MYO9A: variants seen among roughly 807,000 people sequenced by gnomAD.
MYO9A encodes unconventional myosin-IXa.
MYO9A carries 103 observed loss-of-function variants against 293.3 expected under a neutral mutation model. That is an observed-to-expected ratio of 0.35 (90% CI 0.30 to 0.41). The LOEUF (loss-of-function observed/expected upper bound fraction) is 0.41, where lower values mean the gene tolerates loss of function less well. Ranked by LOEUF, MYO9A falls within the 10% of genes least tolerant of loss-of-function variation. The pLI, the probability that MYO9A is intolerant of heterozygous loss-of-function variation, is 1.00. For synonymous variants in MYO9A, 1,001 were observed against 1,035.7 expected, an observed-to-expected ratio of 0.97 and a Z score of 0.64; for missense variants, 2,685 against 3,033.0, an observed-to-expected ratio of 0.89 and a Z score of 2.69.
At chr15:71,852,745 T>G (rs1385458017) in intron 35 of MYO9A, among the ~76,000 whole-genome samples, 2 of 152,204 alleles carry the variant, frequency 1.3e-5, no homozygotes, top group Non-Finnish European at 2.9e-5. Flanking sequence ...CTAACTGTGG[T>G]GAAAGAATAC....
At chr15:71,895,353 C>A (rs1181455725) in intron 25 of MYO9A, among the ~76,000 whole-genome samples, 1 of 152,202 alleles carries the variant, frequency 6.6e-6, no homozygotes, top group Non-Finnish European at 1.5e-5. Flanking sequence ...ACCATGAATT[C>A]TTTTTGTCCT....
At chr15:71,980,021 C>A (rs1001273615) in intron 11 of MYO9A, among the ~76,000 whole-genome samples, 1 of 150,996 alleles carries the variant, frequency 6.6e-6, no homozygotes, top group South Asian at 2.1e-4. Flanking sequence ...CTACTTTTTT[C>A]TTTTTTTTTA....
chr15:72,116,599 A>T (rs1013538588), intron 1 of MYO9A, among the ~76,000 whole-genome samples: 2 of 152,144 alleles, frequency 1.3e-5, no homozygotes, highest in African/African-American at 4.8e-5. Context: ...TACAAATCTT[A>T]TTTTTCTAGC....
intron 19 of MYO9A, among the ~76,000 whole-genome samples, chr15:71,905,224 A>T (rs2057595681): frequency 6.6e-6 from 1 of 152,218 alleles, no homozygotes; most frequent in Non-Finnish European, 1.5e-5. Context: ...ATAGCCTGGA[A>T]ATAGTAAATA....
intron 22 of MYO9A, 131 bp from the exon 23 acceptor site, chr15:71,901,471 A>G (rs2057481979): frequency 1.1e-6 from 1 of 895,312 alleles, no homozygotes; most frequent in East Asian, 2.7e-5. Flanking sequence ...TGAAGTACTG[A>G]TAAATATTCC....
intron 32 of MYO9A, among the ~76,000 whole-genome samples, chr15:71,863,184 TCA>T (rs1017617379): frequency 1.3e-5 from 2 of 152,014 alleles, no homozygotes; most frequent in African/African-American, 4.8e-5. Flanking sequence ...TCCGCCTGCC[TCA>T]GACTCCCAAA....
chr15:72,008,838 A>G (rs897337505), intron 7 of MYO9A, among the ~76,000 whole-genome samples: 1 of 152,104 alleles, frequency 6.6e-6, no homozygotes, highest in Non-Finnish European at 1.5e-5. Context: ...ACATGCAGTT[A>G]TTTTCTTAGA....
rs1274177747 is a variant in MYO9A at position 71,907,392 on chromosome 15, C to T, written c.2686-2386G>A. On this transcript the variant is annotated intron_variant, in intron 19 of 41. Transcript: ENST00000356056. ...AAGTCTTTGCTATTGTGAATAGTGC[C>T]GCAATAAACATACGTGTGCATGTGT... is the stretch of plus-strand genomic sequence containing the variant. 2.0e-4 allele frequency among the ~76,000 whole-genome samples: 26 copies of T among 130,526 alleles called. No homozygotes were observed. In the South Asian group the frequency reaches 2.5e-3, roughly 12 times the overall value. The allele number at this position is 130,526 out of a possible 152,430, so 85.6% of individuals were successfully genotyped here.
chr15:71,961,960 G>GT lies in MYO9A; in HGVS notation c.1987-1865dup, dbSNP rs2075758083. 4.6e-5 allele frequency among the ~76,000 whole-genome samples: 7 copies of GT among 152,138 alleles called. No individual in the cohort carries two copies. In the South Asian group the frequency reaches 1.2e-3, roughly 27 times the overall value. On this transcript the variant is annotated intron_variant, in intron 13 of 41. Coordinates refer to ENST00000356056, the MANE Select transcript of MYO9A (RefSeq NM_006901.4). ...GCTGGTCTTGAACTCCTGGCCTCAA[G>GT]TAATTCCCCCACCTCAGCCTCCCAA...
intron 39 of MYO9A, among the ~76,000 whole-genome samples, chr15:71,838,763 CAGAG>C (rs1381450819): frequency 2.0e-5 from 3 of 152,230 alleles, no homozygotes; most frequent in Non-Finnish European, 4.4e-5. Flanking sequence ...ATGCTTTTGA[CAGAG>C]AGCCAAGATC....
intron 30 of MYO9A, among the ~76,000 whole-genome samples, chr15:71,879,322 C>T (rs2056800643): frequency 6.6e-6 from 1 of 152,064 alleles, no homozygotes; most frequent in South Asian, 2.1e-4. Flanking sequence ...AACTAACTGC[C>T]CTAATTCCAT....
At chr15:72,022,866 TCAA>T (rs780049850) in intron 4 of MYO9A, among the ~76,000 whole-genome samples, 16 of 151,998 alleles carry the variant, frequency 1.1e-4, no homozygotes, top group South Asian at 4.2e-4. Flanking sequence ...AATCCAGTTT[TCAA>T]CAACAACAAC....
intron 19 of MYO9A, among the ~76,000 whole-genome samples, chr15:71,906,663 T>C (rs543380181): frequency 6.6e-6 from 1 of 151,986 alleles, no homozygotes; most frequent in Non-Finnish European, 1.5e-5. Context: ...TTTTTCATTT[T>C]TTAACCCTTT....
intron 5 of MYO9A, among the ~76,000 whole-genome samples, chr15:72,019,894 C>T (rs923846182): frequency 1.3e-5 from 2 of 152,086 alleles, no homozygotes; most frequent in African/African-American, 2.4e-5. Flanking sequence ...AGATTACAGG[C>T]GTGCCTCACC....
chr15:71,855,103 G>A (rs541203147), intron 34 of MYO9A, among the ~76,000 whole-genome samples: 17 of 152,220 alleles, frequency 1.1e-4, no homozygotes, highest in Admixed American at 2.0e-4. Flanking sequence ...CTTGAATAGC[G>A]TATCTGATAT....
intron 1 of MYO9A, among the ~76,000 whole-genome samples, chr15:72,067,882 TAA>T: frequency 6.6e-6 from 1 of 151,672 alleles, no homozygotes; most frequent in East Asian, 1.9e-4. Context: ...TTTAAGGCTA[TAA>T]AAAAAAATTC....
intron 4 of MYO9A, among the ~76,000 whole-genome samples, chr15:72,021,533 A>T (rs1040345683): frequency 2.0e-5 from 3 of 152,164 alleles, no homozygotes; most frequent in African/African-American, 7.2e-5. Flanking sequence ...TCCCTAAGAA[A>T]TATCATTATT....
At chr15:71,865,137 CTT>C (rs2056280480) in intron 32 of MYO9A, among the ~76,000 whole-genome samples, 1 of 152,114 alleles carries the variant, frequency 6.6e-6, no homozygotes, top group African/African-American at 2.4e-5. Context: ...TAGTCCTTAA[CTT>C]TATAACTGAC....
intron 6 of MYO9A, among the ~76,000 whole-genome samples, chr15:72,016,384 A>C (rs1437872506): frequency 1.3e-5 from 2 of 152,190 alleles, no homozygotes; most frequent in Non-Finnish European, 2.9e-5. Context: ...TGCTTATTTA[A>C]TAGGATAACC....
Sources: allele counts gnomAD v4.1 joint callset (sites outside exome capture counted in the v4.1 genomes callset), GRCh38; gene constraint gnomAD v4.1.1; transcripts MANE v1.5; gene names NCBI Gene and HGNC (gene_info 2026-07-23, HGNC 2026-07-21).